The following ADARB2 variants were observed in gnomAD, a reference collection of about 807,000 sequenced individuals.
ADARB2 encodes the protein adenosine deaminase RNA specific B2 (inactive).
In ADARB2, 25 loss-of-function variants were observed where a neutral mutation model predicts 62.2. The observed-to-expected ratio is 0.40, with a 90% confidence interval of 0.29 to 0.56. The LOEUF (loss-of-function observed/expected upper bound fraction) is 0.56, where lower values mean the gene tolerates loss of function less well. Among genes scored for constraint, ADARB2 ranks in the 20% least tolerant of loss-of-function variants. ADARB2 has a pLI of 0.43. For synonymous variants in ADARB2, 572 were observed against 500.8 expected (o/e 1.14, Z -1.90); for missense variants, 1,071 against 1,077.4 (o/e 0.99, Z 0.08).
chr10:1,459,311 T>A (rs1398506621), intron 1 of ADARB2, among the ~76,000 whole-genome samples: 2 of 152,234 alleles, frequency 1.3e-5, no homozygotes, highest in African/African-American at 4.8e-5. Flanking sequence ...ACGGAACATG[T>A]GGTACATATA....
chr10:1,436,765 T>C (rs1287318358), intron 1 of ADARB2, among the ~76,000 whole-genome samples: 2 of 152,254 alleles, frequency 1.3e-5, no homozygotes, highest in Admixed American at 6.5e-5. Context: ...TTTTCTGTGA[T>C]GAAAATTCAG....
At chr10:1,274,801 C>T (rs1831298725) in intron 3 of ADARB2, among the ~76,000 whole-genome samples, 1 of 152,216 alleles carries the variant, frequency 6.6e-6, no homozygotes, top group Non-Finnish European at 1.5e-5. Context: ...AGAGACGGGA[C>T]GTACCCCAGC....
chr10:1,288,829 C>T (rs1235951368), intron 3 of ADARB2, among the ~76,000 whole-genome samples: 1 of 152,158 alleles, frequency 6.6e-6, no homozygotes, highest in Non-Finnish European at 1.5e-5. Flanking sequence ...GATGCCGAGG[C>T]ACTCTGACAT....
At chr10:1,463,399 G>A (rs918931414) in intron 1 of ADARB2, among the ~76,000 whole-genome samples, 1 of 152,182 alleles carries the variant, frequency 6.6e-6, no homozygotes, top group African/African-American at 2.4e-5. Context: ...GCAAAGAGGA[G>A]CGTGTCCTGG....
intron 3 of ADARB2, among the ~76,000 whole-genome samples, chr10:1,313,963 C>G (rs1279440319): frequency 6.6e-6 from 1 of 152,192 alleles, no homozygotes; most frequent in African/African-American, 2.4e-5. Flanking sequence ...GTCTGAAAAC[C>G]AGTCACTTGG....
In ADARB2 at chr10:1,485,681, C is replaced by T. The variant is rs115988964; in HGVS notation, c.101-106521G>A. Among the ~76,000 whole-genome samples the T allele has an allele frequency of 4.7e-3, 719 of 152,272 alleles. 7 individuals carry two copies. Among genetic ancestry groups the T allele is most frequent in the African/African-American group, 0.016 (664 of 41,538 alleles). ...TGTCACCTTGTCACAACACGTGCCCCGGTGGGATGGAATAATAACGCTCCG... is the reference window on the plus strand; with the variant it reads ...TGTCACCTTGTCACAACACGTGCCCTGGTGGGATGGAATAATAACGCTCCG... On this transcript the variant is annotated intron_variant, in intron 1 of 9. Coordinates refer to ENST00000381312, the MANE Select transcript of ADARB2 (RefSeq NM_018702.4).
At chr10:1,377,870 C>A (rs1417597132) in intron 2 of ADARB2, among the ~76,000 whole-genome samples, 1 of 152,144 alleles carries the variant, frequency 6.6e-6, no homozygotes, top group East Asian at 1.9e-4. Context: ...CCTCCATTTC[C>A]AGTATAGTTA....
chr10:1,577,429 T>C (rs1321822207), intron 1 of ADARB2, among the ~76,000 whole-genome samples: 3 of 152,172 alleles, frequency 2.0e-5, no homozygotes, highest in African/African-American at 7.2e-5. Flanking sequence ...GATACCCTCA[T>C]GCACACAGAA....
intron 1 of ADARB2, among the ~76,000 whole-genome samples, chr10:1,693,074 G>A (rs1280145764): frequency 2.6e-5 from 4 of 152,174 alleles, no homozygotes; most frequent in Non-Finnish European, 4.4e-5. Flanking sequence ...TCACTTATAC[G>A]TGGTGGAACT....
At chr10:1,371,215 T>C (rs1420796996) in intron 2 of ADARB2, among the ~76,000 whole-genome samples, 1 of 152,182 alleles carries the variant, frequency 6.6e-6, no homozygotes, top group African/African-American at 2.4e-5. Context: ...AGTCAGTAAA[T>C]GGTGCTGGGA....
chr10:1,580,924 T>C (rs72764982), intron 1 of ADARB2, among the ~76,000 whole-genome samples: 10 of 152,156 alleles, frequency 6.6e-5, no homozygotes, highest in African/African-American at 2.2e-4. Flanking sequence ...TTTCTCTCTG[T>C]GCTGAATCAT....
At chr10:1,596,333 T>A (rs1236455124) in intron 1 of ADARB2, among the ~76,000 whole-genome samples, 8 of 152,122 alleles carry the variant, frequency 5.3e-5, no homozygotes. Context: ...TGTTTAGGAG[T>A]AAAATGGCTC....
At chr10:1,251,011 T>C (rs1257759534) in intron 4 of ADARB2, among the ~76,000 whole-genome samples, 2 of 152,230 alleles carry the variant, frequency 1.3e-5, no homozygotes, top group Non-Finnish European at 2.9e-5. Context: ...ATCCAATTAA[T>C]GGTATCTAAC....
intron 9 of ADARB2, 101 bp downstream of exon 9, chr10:1,184,760 C>T: frequency 7.5e-7 from 1 of 1,339,890 alleles, no homozygotes; most frequent in Non-Finnish European, 1.0e-6. Flanking sequence ...GTGCATCTCC[C>T]TCCCTGCAGA....
At chr10:1,408,381 A>G (rs1225183504) in intron 1 of ADARB2, among the ~76,000 whole-genome samples, 1 of 152,208 alleles carries the variant, frequency 6.6e-6, no homozygotes, top group East Asian at 1.9e-4. Flanking sequence ...TGATATGCAT[A>G]TTATTAAGGA....
At chr10:1,207,048 G>A (rs1308973020) in intron 7 of ADARB2, among the ~76,000 whole-genome samples, 1 of 152,192 alleles carries the variant, frequency 6.6e-6, no homozygotes, top group Non-Finnish European at 1.5e-5. Flanking sequence ...CCTCACTAGA[G>A]GTGTTATGTC....
At chr10:1,335,603 G>A (rs1831966873) in intron 3 of ADARB2, among the ~76,000 whole-genome samples, 1 of 152,160 alleles carries the variant, frequency 6.6e-6, no homozygotes, top group African/African-American at 2.4e-5. Context: ...CTGGCAGGAA[G>A]GCTTGACTGC....
chr10:1,705,409 T>A (rs982671705), intron 1 of ADARB2, among the ~76,000 whole-genome samples: 1 of 152,152 alleles, frequency 6.6e-6, no homozygotes, highest in Admixed American at 6.5e-5. Flanking sequence ...GAGGACGGAC[T>A]GGGTCACTTG....
At chr10:1,674,309 G>C (rs899506806) in intron 1 of ADARB2, among the ~76,000 whole-genome samples, 1 of 152,242 alleles carries the variant, frequency 6.6e-6, no homozygotes, top group Non-Finnish European at 1.5e-5. Flanking sequence ...GGTGTGACTT[G>C]AGAGGGAGTT....
Sources: allele counts gnomAD v4.1 joint callset (sites outside exome capture counted in the v4.1 genomes callset), GRCh38; gene constraint gnomAD v4.1.1; transcripts MANE v1.5; gene names NCBI Gene and HGNC (gene_info 2026-07-23, HGNC 2026-07-21).